The following BRWD3 variants were observed in gnomAD, a reference collection of about 807,000 sequenced individuals.
BRWD3 encodes bromodomain and WD repeat-containing protein 3.
Under a neutral mutation model 149.7 loss-of-function variants are expected in BRWD3, and 10 were observed. The ratio of observed to expected loss-of-function variants is 0.07; its 90% CI spans 0.04 to 0.11. The LOEUF (loss-of-function observed/expected upper bound fraction) is 0.11, where lower values mean the gene tolerates loss of function less well. Among genes scored for constraint, BRWD3 ranks in the 10% least tolerant of loss-of-function variants. The pLI is 1.00. For missense variants in BRWD3, 940 were observed against 1,373.2 expected (o/e 0.68, Z 4.99); for synonymous variants, 504 against 456.7 (o/e 1.10, Z -1.32).
At chrX:80,754,211 T>C (rs775045207) in intron 6 of BRWD3, among the ~76,000 whole-genome samples, 1 of 112,094 alleles carries the variant, frequency 8.9e-6, no homozygotes, top group Non-Finnish European at 1.9e-5. Context: ...TGTAGTTTTC[T>C]ATGTAGAGAT....
At chrX:80,741,920 T>G (rs1046196739) in intron 8 of BRWD3, among the ~76,000 whole-genome samples, 1 of 111,891 alleles carries the variant, frequency 8.9e-6, no homozygotes, top group African/African-American at 3.3e-5. Flanking sequence ...TTTAATTAGA[T>G]CGCATTTGTC....
chrX:80,728,682 T>C lies in BRWD3; in HGVS notation c.1386+70A>G, dbSNP rs190143470. ...TATATCATAGAAAGGAACCTGGAAC[T>C]TAAATTTCCTGTGTCTTAAAATAAT... is the stretch of plus-strand genomic sequence containing the variant. On this transcript the variant is annotated intron_variant, in intron 14 of 40. Transcript: ENST00000373275. 4.9e-3 allele frequency: 4,833 copies of C among 991,035 alleles called. 14 individuals are homozygous for C. Among genetic ancestry groups the C allele is most frequent in the Middle Eastern group, 7.1e-3 (20 of 2,801 alleles). The allele number at this position is 991,035 out of a possible 1,213,427, so 81.7% of individuals were successfully genotyped here.
intron 21 of BRWD3, 68 bp from the exon 22 acceptor site, chrX:80,707,571 C>A: frequency 9.8e-7 from 1 of 1,022,247 alleles, no homozygotes; most frequent in East Asian, 3.2e-5. Flanking sequence ...ATTAAAAAAC[C>A]ACTACCTGTT....
chrX:80,809,814 T>C lies in BRWD3; in HGVS notation c.-343A>G, dbSNP rs763743666. On this transcript the variant is annotated 5_prime_UTR_variant, in exon 1 of 41. Coordinates refer to ENST00000373275, the MANE Select transcript of BRWD3 (RefSeq NM_153252.5). ...GAGAGAGAGAGAGAGACGCGGGGGG[T>C]GGGGGGGCGGAGAGAGAGAGAGAGA... 1.6e-4 allele frequency: 3 copies of C among 18,932 alleles called. No individual in the cohort carries two copies. The highest frequency in any genetic ancestry group is 9.3e-5 in the Non-Finnish European group (1 of 10,731). The allele number at this position is 18,932 out of a possible 1,213,427, so 1.6% of individuals were successfully genotyped here. A position where few individuals can be genotyped will look rare whatever the true frequency, so the allele number is the denominator to read the frequency against.
chrX:80,768,418 C>A (rs1164124642), intron 6 of BRWD3, among the ~76,000 whole-genome samples: 1 of 111,420 alleles, frequency 9.0e-6, no homozygotes, highest in East Asian at 2.8e-4. Context: ...AGATTGGGGG[C>A]CAATATTCAA....
chrX:80,757,555 A>C (rs1208418220), intron 6 of BRWD3, among the ~76,000 whole-genome samples: 1 of 112,424 alleles, frequency 8.9e-6, no homozygotes, highest in African/African-American at 3.2e-5. Flanking sequence ...ATAATTCACT[A>C]GTAGATAAAT....
intron 4 of BRWD3, among the ~76,000 whole-genome samples, chrX:80,803,497 C>G (rs1172949559): frequency 9.0e-6 from 1 of 111,676 alleles, no homozygotes; most frequent in African/African-American, 3.3e-5. Context: ...AAAAAAAATG[C>G]CAAGGATCAA....
chrX:80,700,433 G>GATAT lies in BRWD3; in HGVS notation c.2836-373_2836-370dup, dbSNP rs748889698. ...AATCAACTGCAGATTGAAAATATTT[G>GATAT]ATATATATAACAATACAATTAGGCC... On this transcript the variant is annotated intron_variant, in intron 24 of 40. Coordinates refer to ENST00000373275, the MANE Select transcript of BRWD3 (RefSeq NM_153252.5). 3.2e-4 allele frequency among the ~76,000 whole-genome samples: 18 copies of GATAT among 55,633 alleles called. 1 individual carries two copies. The highest frequency in any genetic ancestry group is 5.3e-4 in the Non-Finnish European group (16 of 29,940). The allele number at this position is 55,633 out of a possible 115,157, so 48.3% of individuals were successfully genotyped here.
intron 6 of BRWD3, among the ~76,000 whole-genome samples, chrX:80,749,001 G>A (rs751796528): frequency 3.6e-5 from 4 of 111,415 alleles, no homozygotes; most frequent in African/African-American, 1.3e-4. Context: ...GCATACATCT[G>A]TGAGCCTTCC....
chrX:80,759,324 T>C, intron 6 of BRWD3, among the ~76,000 whole-genome samples: 1 of 112,197 alleles, frequency 8.9e-6, no homozygotes. Context: ...CTATTCTTTT[T>C]TCCTTTTTGT....
intron 8 of BRWD3, among the ~76,000 whole-genome samples, chrX:80,741,384 C>T (rs2073497383): frequency 8.9e-6 from 1 of 111,768 alleles, no homozygotes; most frequent in South Asian, 3.7e-4. Context: ...GTGCGTGTGT[C>T]TTTAGAGCAG....
chrX:80,720,567 ACAAAAAAC>A (rs1247672911), intron 17 of BRWD3, among the ~76,000 whole-genome samples: 1 of 108,543 alleles, frequency 9.2e-6, no homozygotes, highest in African/African-American at 3.3e-5. Context: ...AAACAAACAA[ACAAAAAAC>A]CAAAAAACCT....
chrX:80,743,738 AGAGT>A (rs1431335084), intron 8 of BRWD3: 3 of 255,665 alleles, frequency 1.2e-5, no homozygotes, highest in Non-Finnish European at 2.1e-5. Flanking sequence ...CTAATAGGAA[AGAGT>A]GTGCTCTTAA....
At chrX:80,760,194 C>A (rs2073788281) in intron 6 of BRWD3, among the ~76,000 whole-genome samples, 1 of 111,627 alleles carries the variant, frequency 9.0e-6, no homozygotes, top group Non-Finnish European at 1.9e-5. Context: ...TTGTGGATTT[C>A]TTTTCTATTA....
chrX:80,689,787 T>C lies in BRWD3; in HGVS notation c.3788A>G (p.Asn1263Ser), dbSNP rs769742076. Residue 1263 changes from asparagine (N) to serine (S), a missense_variant, in exon 33 of 41, where the codon AAC becomes AGC. Asn to Ser is a conservative substitution (Grantham distance 46). Transcript: ENST00000373275. The part of the protein sequence containing the change: ...TYNKIKAEER[N>S]STDAEEDTEI... Reference sequence around the variant, plus strand: ...TCTTACCTCCTCTGCATCAGTACTGTTTCGTTCTTCTGCTTTAATTTTATT... The same window carrying C: ...TCTTACCTCCTCTGCATCAGTACTGCTTCGTTCTTCTGCTTTAATTTTATT... The C allele has an allele frequency of 8.3e-7, 1 of 1,202,454 alleles. No individual in the cohort carries two copies. Among genetic ancestry groups the C allele is most frequent in the South Asian group, 1.8e-5 (1 of 56,649 alleles).
intron 12 of BRWD3, among the ~76,000 whole-genome samples, chrX:80,732,499 C>T (rs1362627606): frequency 1.8e-5 from 2 of 108,521 alleles, no homozygotes; most frequent in Non-Finnish European, 3.8e-5. Context: ...AGGGCATGAA[C>T]CGTAAAAGGA....
At position 80,675,253 on chromosome X, in the gene BRWD3, A is replaced by G. The variant is rs748780123; in HGVS notation, c.*1356T>C. On this transcript the variant is annotated 3_prime_UTR_variant, in exon 41 of 41. Coordinates refer to ENST00000373275, the MANE Select transcript of BRWD3 (RefSeq NM_153252.5). The stretch of plus-strand genomic sequence containing the variant: ...ATTCACAACATGAGTGTGCAGTGCA[A>G]TAAGGTTCTTTCCTGAAAGACTAGA... 8.9e-6 allele frequency: 1 copy of G among 111,907 alleles called. No homozygotes were observed. Among genetic ancestry groups the G allele is most frequent in the Non-Finnish European group, 1.9e-5 (1 of 53,108 alleles). 9.2% of individuals were successfully genotyped at this position (111,907 alleles called of 1,213,427 possible). A position where few individuals can be genotyped will look rare whatever the true frequency, so the allele number is the denominator to read the frequency against.
intron 40 of BRWD3, among the ~76,000 whole-genome samples, chrX:80,678,549 C>T (rs1298982418): frequency 1.8e-5 from 2 of 111,139 alleles, no homozygotes; most frequent in Admixed American, 9.6e-5. Context: ...GATATAATTG[C>T]GGAAATTTTC....
chrX:80,787,981 G>C, intron 6 of BRWD3, among the ~76,000 whole-genome samples: 1 of 109,848 alleles, frequency 9.1e-6, no homozygotes, highest in African/African-American at 3.3e-5. Flanking sequence ...CTACTCGGGA[G>C]GCTGAGGCAG....
Sources: gnomAD v4.1 joint callset for allele counts (sites outside exome capture counted in the v4.1 genomes callset) on GRCh38, gnomAD v4.1.1 for gene constraint, MANE v1.5 for transcripts, NCBI Gene and HGNC (gene_info 2026-07-23, HGNC 2026-07-21) for gene names.